TMTC3: variants seen among roughly 807,000 people sequenced by gnomAD.
TMTC3 encodes the protein protein O-mannosyl-transferase TMTC3.
Under a neutral mutation model 92.2 loss-of-function variants are expected in TMTC3, and 52 were observed. The observed-to-expected ratio is 0.56, with a 90% CI of 0.45 to 0.71. The LOEUF (loss-of-function observed/expected upper bound fraction) is 0.71. Ranked by LOEUF, TMTC3 falls within the 30% of genes least tolerant of loss-of-function variation. The pLI is 0.00. For missense variants in TMTC3, 896 were observed against 1,057.1 expected, an observed-to-expected ratio of 0.85 and a Z score of 2.11; for synonymous variants, 339 against 363.3, an observed-to-expected ratio of 0.93 and a Z score of 0.76.
At chr12:88,185,617 G>A (rs1166654462) in intron 10 of TMTC3, among the ~76,000 whole-genome samples, 1 of 152,012 alleles carries the variant, frequency 6.6e-6, no homozygotes, top group African/African-American at 2.4e-5. Flanking sequence ...AAAATGGCAT[G>A]GTCATATGAT....
chr12:88,165,159 A>T (rs2041130121), intron 6 of TMTC3, among the ~76,000 whole-genome samples: 1 of 152,128 alleles, frequency 6.6e-6, no homozygotes, highest in African/African-American at 2.4e-5. Flanking sequence ...AATATTTTCC[A>T]AATAAAGCAT....
chr12:88,143,498 TA>T (rs936525706), intron 1 of TMTC3, among the ~76,000 whole-genome samples: 1 of 152,216 alleles, frequency 6.6e-6, no homozygotes, highest in African/African-American at 2.4e-5. Context: ...CTAAGTAACT[TA>T]AATAGTGTGA....
At chr12:88,191,643 CAA>C (rs1192443109) in intron 12 of TMTC3, among the ~76,000 whole-genome samples, 2 of 152,122 alleles carry the variant, frequency 1.3e-5, no homozygotes, top group Admixed American at 1.3e-4. Flanking sequence ...GTGTGTTCCT[CAA>C]AGTTATCTAC....
chr12:88,195,768 TGA>T lies in TMTC3; in HGVS notation c.*120_*121del. ...CCTAATGGTCAATCATGAGCTGCCT[TGA>T]AGTAGGATCAAAATAAGATTTTCAT... On this transcript the variant is annotated 3_prime_UTR_variant, in exon 14 of 14. Transcript: ENST00000266712. 1 of 728,712 alleles carries T rather than the reference TGA, an allele frequency of 1.4e-6. No individual in the cohort carries two copies. Among genetic ancestry groups the T allele is most frequent in the Non-Finnish European group, 2.2e-6 (1 of 459,964 alleles). 45.1% of individuals were successfully genotyped at this position (728,712 alleles called of 1,614,324 possible). A position where few individuals can be genotyped will look rare whatever the true frequency, so the allele number is the denominator to read the frequency against.
chr12:88,195,683 A>C lies in TMTC3; in HGVS notation c.*34A>C. On this transcript the variant is annotated 3_prime_UTR_variant, in exon 14 of 14. Coordinates refer to ENST00000266712, the MANE Select transcript of TMTC3 (RefSeq NM_181783.4). The stretch of plus-strand genomic sequence containing the variant: ...TTTATCGTGACAATGGTATCAAAGA[A>C]CATCAATCCGTATCATGTGATTGCT... 6.6e-7 allele frequency: 1 copy of C among 1,525,958 alleles called. No homozygotes were observed. Among genetic ancestry groups the C allele is most frequent in the South Asian group, 1.3e-5 (1 of 76,818 alleles). 94.5% of individuals were successfully genotyped at this position (1,525,958 alleles called of 1,614,324 possible). A position where few individuals can be genotyped will look rare whatever the true frequency, so the allele number is the denominator to read the frequency against.
chr12:88,167,762 A>G (rs1463167886), intron 7 of TMTC3, among the ~76,000 whole-genome samples: 1 of 152,212 alleles, frequency 6.6e-6, no homozygotes, highest in Non-Finnish European at 1.5e-5. Context: ...CTGTTGAAAC[A>G]TCCTGTTGGA....
intron 10 of TMTC3, among the ~76,000 whole-genome samples, chr12:88,180,121 G>A (rs536884245): frequency 6.6e-6 from 1 of 152,148 alleles, no homozygotes; most frequent in African/African-American, 2.4e-5. Flanking sequence ...GTTGATTGAA[G>A]AGTACAGATG....
chr12:88,170,282 T>G (rs2041190317), intron 7 of TMTC3, among the ~76,000 whole-genome samples: 1 of 152,206 alleles, frequency 6.6e-6, no homozygotes, highest in South Asian at 2.1e-4. Flanking sequence ...TTGAGTGAAT[T>G]TAACACTTAA....
Position 88,195,655 on chromosome 12 carries a change from A to G in TMTC3, c.*6A>G. On this transcript the variant is annotated 3_prime_UTR_variant, in exon 14 of 14. Transcript: ENST00000266712. ...GTATTTTAAATGGTGAATAACATTA[A>G]TATTTATCGTGACAATGGTATCAAA... 4.5e-6 allele frequency: 7 copies of G among 1,569,984 alleles called. No homozygotes were observed. Among genetic ancestry groups the G allele is most frequent in the Non-Finnish European group, 6.0e-6 (7 of 1,161,244 alleles).
intron 11 of TMTC3, 92 bp downstream of exon 11, chr12:88,189,038 A>C: frequency 1.4e-6 from 1 of 725,774 alleles, no homozygotes; most frequent in South Asian, 1.8e-5. Flanking sequence ...TCTTTTCTTC[A>C]GTTAGTTGAT....
intron 5 of TMTC3, 61 bp from the exon 6 acceptor site, chr12:88,160,618 G>A: frequency 1.4e-6 from 2 of 1,413,400 alleles, no homozygotes; most frequent in Non-Finnish European, 2.0e-6. Context: ...AAGTACTACA[G>A]TATTGAAAAC....
chr12:88,177,281 G>A lies in TMTC3; in HGVS notation c.1432+962G>A, dbSNP rs142776075. Among the ~76,000 whole-genome samples, 365 of 149,928 alleles carry A rather than the reference G, an allele frequency of 2.4e-3. 5 individuals are homozygous for A. The highest frequency in any genetic ancestry group is 0.024 in the East Asian group (120 of 5,008). Reference sequence around the variant, plus strand: ...GCAGAGGTTGCAGTGAGCCAAGATCGCACCACTGCACTCCAGCCTGGGTGA... The same window carrying A: ...GCAGAGGTTGCAGTGAGCCAAGATCACACCACTGCACTCCAGCCTGGGTGA... On this transcript the variant is annotated intron_variant, in intron 10 of 13. Transcript: ENST00000266712.
chr12:88,145,855 A>T (rs939873026), intron 1 of TMTC3, among the ~76,000 whole-genome samples: 4 of 152,086 alleles, frequency 2.6e-5, no homozygotes, highest in Non-Finnish European at 5.9e-5. Context: ...TTTCACCCTA[A>T]TTTTTTCTTA....
At chr12:88,150,177 G>A (rs1340729414) in intron 2 of TMTC3, among the ~76,000 whole-genome samples, 1 of 152,180 alleles carries the variant, frequency 6.6e-6, no homozygotes, top group African/African-American at 2.4e-5. Flanking sequence ...GCCTCAAGAA[G>A]CTTGCAGTCA....
At chr12:88,146,422 T>C (rs2468225) in intron 1 of TMTC3, among the ~76,000 whole-genome samples, 133,850 of 151,886 alleles carry the variant, frequency 0.88, 59,877 homozygotes, top group East Asian at 0.99. Flanking sequence ...TTAAGAAGCC[T>C]AAGATAACCT....
chr12:88,170,744 T>G (rs938858363), intron 7 of TMTC3, among the ~76,000 whole-genome samples: 5 of 152,234 alleles, frequency 3.3e-5, no homozygotes, highest in African/African-American at 1.2e-4. Context: ...AATTAAGTAC[T>G]GTAAAACAAA....
chr12:88,193,783 T>G (rs1227850813), intron 13 of TMTC3, among the ~76,000 whole-genome samples: 1 of 152,218 alleles, frequency 6.6e-6, no homozygotes, highest in African/African-American at 2.4e-5. Context: ...GGAGAAAAGC[T>G]AATATTTTTG....
chr12:88,188,728 C>T (rs937479938), intron 10 of TMTC3, 115 bp from the exon 11 acceptor site: 10 of 539,762 alleles, frequency 1.9e-5, no homozygotes, highest in African/African-American at 1.6e-4. Context: ...AATATGTCTT[C>T]TCATTAGTTA....
chr12:88,189,559 A>G (rs945832540), intron 11 of TMTC3, among the ~76,000 whole-genome samples: 1 of 152,110 alleles, frequency 6.6e-6, no homozygotes, highest in African/African-American at 2.4e-5. Context: ...CATTATTCCT[A>G]TCAAAAAATA....
Sources: gnomAD v4.1 joint callset for allele counts (sites outside exome capture counted in the v4.1 genomes callset) on GRCh38, gnomAD v4.1.1 for gene constraint, MANE v1.5 for transcripts, NCBI Gene and HGNC (gene_info 2026-07-23, HGNC 2026-07-21) for gene names.